SLC27A2: variants seen among roughly 807,000 people sequenced by gnomAD.
The protein encoded by SLC27A2 is long-chain fatty acid transport protein 2.
A neutral mutation model predicts 60.0 loss-of-function variants in SLC27A2; 54 were observed. The observed-to-expected ratio is 0.90, with a 90% CI of 0.72 to 1.13. SLC27A2 has a LOEUF of 1.13. Ranked by LOEUF, SLC27A2 falls within the 50% of genes most tolerant of loss-of-function variation. SLC27A2 has a pLI of 0.00. For synonymous variants in SLC27A2, 297 were observed against 297.6 expected, an observed-to-expected ratio of 1.00 and a Z score of 0.02; for missense variants, 739 against 777.6, an observed-to-expected ratio of 0.95 and a Z score of 0.59.
chr15:50,228,158 A>T (rs2045290311), intron 7 of SLC27A2, among the ~76,000 whole-genome samples: 1 of 152,140 alleles, frequency 6.6e-6, no homozygotes, highest in African/African-American at 2.4e-5. Context: ...CGGGTGGATC[A>T]CCTGAGGTCA....
chr15:50,217,023 A>G (rs2045202920), intron 4 of SLC27A2, among the ~76,000 whole-genome samples: 2 of 151,728 alleles, frequency 1.3e-5, no homozygotes, highest in Admixed American at 1.3e-4. Context: ...GTATGTTCTT[A>G]CTGATATGTG....
At chr15:50,183,994 C>CTTTTTTTTTTTT (rs577766814) in intron 1 of SLC27A2, among the ~76,000 whole-genome samples, 1,294 of 91,150 alleles carry the variant, frequency 0.014, 223 homozygotes, top group Middle Eastern at 0.031. Context: ...TTTCCTACAT[C>CTTTTTTTTTTTT]TTTTTTTTTT....
intron 1 of SLC27A2, among the ~76,000 whole-genome samples, chr15:50,189,279 C>A (rs1178774097): frequency 1.3e-5 from 2 of 152,190 alleles, no homozygotes; most frequent in Non-Finnish European, 2.9e-5. Flanking sequence ...TCCTCCTAAT[C>A]AATGACTCTG....
chr15:50,188,610 T>C (rs2044944536), intron 1 of SLC27A2, among the ~76,000 whole-genome samples: 3 of 152,220 alleles, frequency 2.0e-5, no homozygotes, highest in Admixed American at 6.5e-5. Flanking sequence ...AATTCTCTCA[T>C]ATATCTTTGA....
At chr15:50,205,478 A>T (rs1438363885) in intron 4 of SLC27A2, 115 bp downstream of exon 4, 1 of 1,071,948 alleles carries the variant, frequency 9.3e-7, no homozygotes, top group Non-Finnish European at 1.3e-6. Context: ...AGTTTAGGAT[A>T]CAATTATCAT....
chr15:50,191,485 G>A (rs930446256), intron 1 of SLC27A2, among the ~76,000 whole-genome samples: 1 of 152,158 alleles, frequency 6.6e-6, no homozygotes, highest in African/African-American at 2.4e-5. Flanking sequence ...TAACTCTGAA[G>A]GGCATCCCAG....
At position 50,226,086 on chromosome 15, in the gene SLC27A2, G is replaced by A. The variant is rs1328721575; in HGVS notation, c.1258+8G>A. 6 of 1,582,626 alleles carry A rather than the reference G, an allele frequency of 3.8e-6. No individual in the cohort carries two copies. The highest frequency in any genetic ancestry group is 5.2e-6 in the Non-Finnish European group (6 of 1,151,724). The stretch of plus-strand genomic sequence containing the variant: ...GCGTCAGAGTTCCCAAAGGTACAGT[G>A]GACTTTTGTTCAATCAACCTGTGCC... On this transcript the variant is annotated splice_region_variant and intron_variant, in intron 6 of 9. Coordinates refer to ENST00000267842, the MANE Select transcript of SLC27A2 (RefSeq NM_003645.4).
Position 50,182,332 on chromosome 15 carries a change from CAGCCCGCCAGTCCGCCCGG to C in SLC27A2, c.-87_-69del. The C allele has an allele frequency of 7.4e-7, 1 of 1,352,686 alleles. No homozygotes were observed. Among genetic ancestry groups the C allele is most frequent in the South Asian group, 2.0e-5 (1 of 50,344 alleles). 83.8% of individuals were successfully genotyped at this position (1,352,686 alleles called of 1,614,324 possible). A position where few individuals can be genotyped will look rare whatever the true frequency, so the allele number is the denominator to read the frequency against. ...GCGTCCCGCCGCGTGCGCCCCGGCG[CAGCCCGCCAGTCCGCCCGG>C]AGCCCGCCCAGTCGCCGCGCTGCAC... On this transcript the variant is annotated 5_prime_UTR_variant, in exon 1 of 10. Coordinates refer to ENST00000267842, the MANE Select transcript of SLC27A2 (RefSeq NM_003645.4).
chr15:50,209,933 A>G (rs565992562), intron 4 of SLC27A2, among the ~76,000 whole-genome samples: 97 of 152,310 alleles, frequency 6.4e-4, no homozygotes, highest in African/African-American at 2.3e-3. Flanking sequence ...ATAGGAAGCT[A>G]AAAGATAACA....
intron 1 of SLC27A2, among the ~76,000 whole-genome samples, chr15:50,196,336 CTT>C (rs1438523198): frequency 1.3e-5 from 2 of 151,368 alleles, no homozygotes; most frequent in African/African-American, 4.9e-5. Context: ...TGAAACAAAA[CTT>C]TTAAAAATGA....
chr15:50,215,921 G>T (rs1325252304), intron 4 of SLC27A2, among the ~76,000 whole-genome samples: 2 of 152,148 alleles, frequency 1.3e-5, no homozygotes, highest in Non-Finnish European at 2.9e-5. Context: ...TCATGACCAA[G>T]AACCCGAAAG....
chr15:50,224,162 C>G (rs1334959885), intron 5 of SLC27A2, among the ~76,000 whole-genome samples: 1 of 152,172 alleles, frequency 6.6e-6, no homozygotes, highest in Non-Finnish European at 1.5e-5. Context: ...ATTAAACAGC[C>G]AGGCGCAGCG....
At chr15:50,197,426 A>T (rs1475614053) in intron 1 of SLC27A2, 74 bp from the exon 2 acceptor site, 2 of 1,121,814 alleles carry the variant, frequency 1.8e-6, no homozygotes, top group African/African-American at 3.1e-5. Flanking sequence ...TAAAATTATG[A>T]TGCTTGTTGA....
At chr15:50,229,183 T>C (rs2045299085) in intron 8 of SLC27A2, 141 bp downstream of exon 8, 1 of 601,366 alleles carries the variant, frequency 1.7e-6, no homozygotes, top group African/African-American at 1.9e-5. Flanking sequence ...GGAGCTTATG[T>C]CTGGCTTATG....
At chr15:50,201,184 A>T (rs2045060967) in intron 2 of SLC27A2, among the ~76,000 whole-genome samples, 1 of 152,040 alleles carries the variant, frequency 6.6e-6, no homozygotes, top group Non-Finnish European at 1.5e-5. Context: ...GGGTCTCACT[A>T]TGTTGCCCAG....
chr15:50,228,907 CCA>C (rs1335362425), intron 7 of SLC27A2, 36 bp from the exon 8 acceptor site: 2 of 1,417,408 alleles, frequency 1.4e-6, no homozygotes, highest in East Asian at 4.6e-5. Flanking sequence ...GGGCCAGAAA[CCA>C]CCAGTGACCT....
chr15:50,207,027 T>G (rs2045118512), intron 4 of SLC27A2, among the ~76,000 whole-genome samples: 1 of 152,230 alleles, frequency 6.6e-6, no homozygotes, highest in African/African-American at 2.4e-5. Flanking sequence ...ATAGCATGTC[T>G]CTCTATTAAA....
chr15:50,217,781 C>G (rs560658247), intron 4 of SLC27A2, among the ~76,000 whole-genome samples: 1 of 152,284 alleles, frequency 6.6e-6, no homozygotes, highest in South Asian at 2.1e-4. Flanking sequence ...AGAGGCCAGG[C>G]ACGGTGGCTC....
At chr15:50,200,552 C>T (rs1213230029) in intron 2 of SLC27A2, among the ~76,000 whole-genome samples, 5 of 152,154 alleles carry the variant, frequency 3.3e-5, no homozygotes, top group Non-Finnish European at 5.9e-5. Flanking sequence ...TAACAAGTTG[C>T]TGCTATTTGG....
Sources: allele counts gnomAD v4.1 joint callset (sites outside exome capture counted in the v4.1 genomes callset), GRCh38; gene constraint gnomAD v4.1.1; transcripts MANE v1.5; gene names NCBI Gene and HGNC (gene_info 2026-07-23, HGNC 2026-07-21).